Variants in GABRG1 observed in about 807,000 individuals in gnomAD.
GABRG1 encodes the protein gamma-aminobutyric acid type A receptor subunit gamma1.
GABRG1 carries 49 observed loss-of-function variants against 49.8 expected under a neutral mutation model. The ratio of observed to expected loss-of-function variants is 0.98; its 90% confidence interval spans 0.78 to 1.25. The LOEUF (loss-of-function observed/expected upper bound fraction) is 1.25, where lower values mean the gene tolerates loss of function less well. Ranked by LOEUF, GABRG1 falls within the 50% of genes most tolerant of loss-of-function variation. GABRG1 has a pLI of 0.00. For synonymous variants in GABRG1, 232 were observed against 185.1 expected (o/e 1.25, Z -2.06); for missense variants, 552 against 552.3 (o/e 1.00, Z 0.01).
Position 46,065,452 on chromosome 4 carries a change from TTCTGAAGAAAGTG to T in GABRG1, c.441_453del (p.Asp147GlufsTer11). ...CAGTGAGCATCAGATTTTCTTGAGT[TTCTGAAGAAAGTG>T]TCAGGAATCCAAATTTTTCCAACCA... On this transcript the variant is annotated frameshift_variant, in exon 4 of 9. Coordinates refer to ENST00000295452, the MANE Select transcript of GABRG1 (RefSeq NM_173536.4). LOFTEE classifies it high-confidence loss of function. 1 of 1,613,274 alleles carries T rather than the reference TTCTGAAGAAAGTG, an allele frequency of 6.2e-7. No individual in the cohort carries two copies.
chr4:46,072,353 G>C (rs781075794), intron 3 of GABRG1, among the ~76,000 whole-genome samples: 5 of 151,900 alleles, frequency 3.3e-5, no homozygotes, highest in Admixed American at 6.6e-5. Context: ...ACTGTATTTG[G>C]GCACCATAGC....
chr4:46,119,730 C>A (rs1348142055), intron 1 of GABRG1, among the ~76,000 whole-genome samples: 4 of 151,226 alleles, frequency 2.6e-5, no homozygotes, highest in East Asian at 1.9e-4. Context: ...CTTTAGAGTT[C>A]TAGAGGTGTA....
chr4:46,088,364 G>A (rs1719858623), intron 2 of GABRG1, among the ~76,000 whole-genome samples: 1 of 151,964 alleles, frequency 6.6e-6, no homozygotes, highest in African/African-American at 2.4e-5. Flanking sequence ...TAGAAGATAA[G>A]TTTTTTTACA....
intron 3 of GABRG1, among the ~76,000 whole-genome samples, chr4:46,075,913 G>A (rs185729131): frequency 2.0e-5 from 3 of 152,130 alleles, no homozygotes; most frequent in African/African-American, 7.2e-5. Flanking sequence ...CTGTACACAT[G>A]GATGTAGTGT....
intron 3 of GABRG1, 140 bp downstream of exon 3, chr4:46,083,846 C>A (rs768473961): frequency 3.1e-6 from 2 of 650,544 alleles, no homozygotes; most frequent in Non-Finnish European, 5.5e-6. Context: ...GTTGCCAATA[C>A]CTGGCACAAA....
intron 1 of GABRG1, among the ~76,000 whole-genome samples, chr4:46,122,498 C>T (rs966326210): frequency 1.3e-5 from 2 of 151,518 alleles, no homozygotes; most frequent in South Asian, 2.1e-4. Context: ...TGTTTATGTT[C>T]GTGTCAAACA....
At chr4:46,052,847 C>T (rs1239472943) in intron 7 of GABRG1, among the ~76,000 whole-genome samples, 1 of 151,916 alleles carries the variant, frequency 6.6e-6, no homozygotes, top group African/African-American at 2.4e-5. Flanking sequence ...ATAACCACCT[C>T]TTCCCCTCAT....
chr4:46,116,557 G>A (rs565959518), intron 1 of GABRG1, among the ~76,000 whole-genome samples: 20 of 150,740 alleles, frequency 1.3e-4, no homozygotes, highest in Non-Finnish European at 2.2e-4. Flanking sequence ...GAAAGAAATC[G>A]GAATTCATAC....
intron 1 of GABRG1, among the ~76,000 whole-genome samples, chr4:46,118,145 T>TATATATATATATATATAC (rs1201578705): frequency 3.4e-5 from 5 of 146,268 alleles, no homozygotes; most frequent in African/African-American, 1.0e-4. Context: ...TATATATATA[T>TATATATATATATATATAC]ACAGCTACAG....
At chr4:46,075,399 T>C (rs1167438483) in intron 3 of GABRG1, among the ~76,000 whole-genome samples, 1 of 151,998 alleles carries the variant, frequency 6.6e-6, no homozygotes, top group African/African-American at 2.4e-5. Context: ...GCTCACTGTA[T>C]TGCCCGAGCT....
At chr4:46,103,128 G>T (rs999199570) in intron 1 of GABRG1, among the ~76,000 whole-genome samples, 1 of 151,648 alleles carries the variant, frequency 6.6e-6, no homozygotes, top group East Asian at 2.0e-4. Context: ...TCTGACACGG[G>T]AGGGAGCTTC....
intron 1 of GABRG1, among the ~76,000 whole-genome samples, chr4:46,101,592 A>G (rs1176093138): frequency 2.0e-5 from 3 of 151,816 alleles, no homozygotes; most frequent in Non-Finnish European, 2.9e-5. Flanking sequence ...TGCTAGGAAT[A>G]CAAAGACAAA....
At chr4:46,116,980 T>C (rs1720913102) in intron 1 of GABRG1, among the ~76,000 whole-genome samples, 1 of 150,462 alleles carries the variant, frequency 6.6e-6, no homozygotes, top group Admixed American at 6.7e-5. Context: ...TATACCCATC[T>C]AGGATGATCA....
At chr4:46,068,863 A>G (rs1271087149) in intron 3 of GABRG1, among the ~76,000 whole-genome samples, 2 of 152,106 alleles carry the variant, frequency 1.3e-5, no homozygotes, top group Non-Finnish European at 2.9e-5. Context: ...TTTACTCAGA[A>G]CGAAAATACA....
chr4:46,101,820 A>G lies in GABRG1; in HGVS notation c.105-4471T>C, dbSNP rs552323733. ...TAAGAGTCTGTAAAAACATCAAATT[A>G]TTTTCATAATTTAATATTACATGAA... On this transcript the variant is annotated intron_variant, in intron 1 of 8. Coordinates refer to ENST00000295452, the MANE Select transcript of GABRG1 (RefSeq NM_173536.4). Among the ~76,000 whole-genome samples the G allele has an allele frequency of 5.9e-5, 9 of 151,740 alleles. No homozygotes were observed. The South Asian group carries it at 1.9e-3, about 31-fold the overall frequency.
chr4:46,052,951 A>G (rs1718286623), intron 7 of GABRG1, among the ~76,000 whole-genome samples: 1 of 151,816 alleles, frequency 6.6e-6, no homozygotes, highest in Admixed American at 6.6e-5. Context: ...TAAAGGTGAA[A>G]CAGTTGTGAT....
chr4:46,124,043 A>G lies in GABRG1; in HGVS notation c.-130T>C. On this transcript the variant is annotated 5_prime_UTR_variant, in exon 1 of 9. Coordinates refer to ENST00000295452, the MANE Select transcript of GABRG1 (RefSeq NM_173536.4). ...AAGGCAGTGCACCTCCCAAACAGGTAGGATGCGACTCCCAGCAGAATTGAG... is the reference window on the plus strand; with the variant it reads ...AAGGCAGTGCACCTCCCAAACAGGTGGGATGCGACTCCCAGCAGAATTGAG... The G allele has an allele frequency of 1.5e-6, 1 of 652,402 alleles. No individual in the cohort carries two copies. The highest frequency in any genetic ancestry group is 2.7e-6 in the Non-Finnish European group (1 of 365,832). The allele number at this position is 652,402 out of a possible 1,614,324, so 40.4% of individuals were successfully genotyped here. A position where few individuals can be genotyped will look rare whatever the true frequency, so the allele number is the denominator to read the frequency against.
intron 4 of GABRG1, among the ~76,000 whole-genome samples, chr4:46,064,802 A>G (rs1056722432): frequency 4.6e-5 from 7 of 152,158 alleles, no homozygotes; most frequent in Non-Finnish European, 1.0e-4. Flanking sequence ...ATACTTCAAT[A>G]TGTCAGCAAA....
chr4:46,084,801 TA>T (rs1394417018), intron 2 of GABRG1, among the ~76,000 whole-genome samples: 1 of 151,654 alleles, frequency 6.6e-6, no homozygotes, highest in African/African-American at 2.4e-5. Flanking sequence ...ATATCTTAAA[TA>T]AAAGTAGGTC....
Sources: allele counts gnomAD v4.1 joint callset (sites outside exome capture counted in the v4.1 genomes callset), GRCh38; gene constraint gnomAD v4.1.1; transcripts MANE v1.5; gene names NCBI Gene and HGNC (gene_info 2026-07-23, HGNC 2026-07-21).